The following LMO7 variants were observed in gnomAD, a reference collection of about 807,000 sequenced individuals.
LMO7 encodes LIM domain 7, also known as LIM domain only protein 7.
Under a neutral mutation model 206.5 loss-of-function variants are expected in LMO7, and 120 were observed. The observed-to-expected ratio is 0.58, with a 90% CI of 0.50 to 0.68. The LOEUF is 0.68. Ranked by LOEUF, LMO7 falls within the 30% of genes least tolerant of loss-of-function variation. The pLI is 0.00. For missense variants in LMO7, 1,959 were observed against 1,957.9 expected (o/e 1.00, Z -0.01); for synonymous variants, 706 against 681.5 (o/e 1.04, Z -0.56).
chr13:75,723,280 T>C (rs2044177702), intron 2 of LMO7, among the ~76,000 whole-genome samples: 2 of 152,194 alleles, frequency 1.3e-5, no homozygotes, highest in South Asian at 2.1e-4. Flanking sequence ...TAGTTACTAA[T>C]AGAAGTTTGA....
At chr13:75,729,144 T>C (rs2044828022) in intron 3 of LMO7, among the ~76,000 whole-genome samples, 2 of 147,690 alleles carry the variant, frequency 1.4e-5, no homozygotes. Context: ...TTTAAAGTAG[T>C]TTTTTCCAAT....
At position 75,835,300 on chromosome 13, in the gene LMO7, A is replaced by G. The variant is rs2273997; in HGVS notation, c.3294A>G (p.Leu1098=). 538,090 of 1,606,032 alleles carry G rather than the reference A, an allele frequency of 0.34. 95,717 individuals carry two copies. The highest frequency in any genetic ancestry group is 0.39 in the South Asian group (35,436 of 90,000). Residue 1098 remains leucine, a synonymous_variant, in exon 18 of 31, where the codon CTA becomes CTG. Coordinates refer to ENST00000377534, the MANE Select transcript of LMO7 (RefSeq NM_001306080.2). ...GIYNSEKSSN[L]SVTTDFSESL... ...ACAACTCAGAAAAATCTTCAAATCT[A>G]TCTGTAACAACTGATTTCTCCGAAA...
At chr13:75,823,319 G>C (rs1428248587) in intron 14 of LMO7, among the ~76,000 whole-genome samples, 2 of 152,116 alleles carry the variant, frequency 1.3e-5, no homozygotes, top group Admixed American at 1.3e-4. Flanking sequence ...ATGTTTGCTT[G>C]GAGTAAACAA....
At chr13:75,731,694 C>T (rs2045242935) in intron 3 of LMO7, among the ~76,000 whole-genome samples, 1 of 151,162 alleles carries the variant, frequency 6.6e-6, no homozygotes, top group Non-Finnish European at 1.5e-5. Flanking sequence ...GGTTATTTTG[C>T]TCGTTAGTTG....
rs79694056 is a variant in LMO7 at position 75,703,849 on chromosome 13, G to A, written c.70-9333G>A. Among the ~76,000 whole-genome samples the A allele has an allele frequency of 9.4e-3, 1,432 of 152,230 alleles. 22 individuals carry two copies. The highest frequency in any genetic ancestry group is 0.056 in the East Asian group (292 of 5,188). On this transcript the variant is annotated intron_variant, in intron 1 of 30. Coordinates refer to ENST00000377534, the MANE Select transcript of LMO7 (RefSeq NM_001306080.2). ...TCATTCTATTCAGGGACAGGAAAGA[G>A]GTAGGAGATATTTATTCCATTTAAA...
chr13:75,634,598 C>G (rs999309794), upstream of LMO7, among the ~76,000 whole-genome samples: 2 of 152,120 alleles, frequency 1.3e-5, no homozygotes, highest in South Asian at 2.1e-4. Flanking sequence ...AAAAAATTAG[C>G]CAGGCGTGGT....
chr13:75,633,997 A>AT (rs3036384), upstream of LMO7, among the ~76,000 whole-genome samples: 53,187 of 141,036 alleles, frequency 0.38, 10,015 homozygotes, highest in East Asian at 0.49. Flanking sequence ...CGTCCAGCTA[A>AT]TTTTTTTTTT....
At chr13:75,670,468 A>G (rs141097019) in intron 1 of LMO7, among the ~76,000 whole-genome samples, 134 of 152,308 alleles carry the variant, frequency 8.8e-4, no homozygotes, top group African/African-American at 3.0e-3. Context: ...CACATAGGCT[A>G]TATAGTGTAG....
At chr13:75,852,412 T>A (rs977049711) in intron 27 of LMO7, among the ~76,000 whole-genome samples, 3 of 152,112 alleles carry the variant, frequency 2.0e-5, no homozygotes, top group African/African-American at 7.2e-5. Context: ...GGTGATGAAA[T>A]AATCTGTACA....
chr13:75,816,909 GT>G (rs1441278359), intron 11 of LMO7: 4 of 282,996 alleles, frequency 1.4e-5, no homozygotes, highest in Non-Finnish European at 2.6e-5. Flanking sequence ...TTGTTTTTTT[GT>G]TTGTTTGTTT....
In LMO7 at chr13:75,804,436, C is replaced by T; in HGVS notation, c.809C>T (p.Ser270Phe). The change falls in exon 8 of 31, where the codon TCC (serine) becomes TTC (phenylalanine). Residue 270 changes from serine to phenylalanine, a missense_variant. Physicochemically the swap from Ser to Phe is radical, Grantham distance 155. Coordinates refer to ENST00000377534, the MANE Select transcript of LMO7 (RefSeq NM_001306080.2). ...RFLPNKSRQP[S>F]YVPAPLRKKK... ...TTACCCAACAAAAGTAGACAGCCATCCTATGTACCAGCACCTCTGAGAAAG... is the reference window on the plus strand; with the variant it reads ...TTACCCAACAAAAGTAGACAGCCATTCTATGTACCAGCACCTCTGAGAAAG... 6.2e-7 allele frequency: 1 copy of T among 1,614,168 alleles called. No homozygotes were observed. The highest frequency in any genetic ancestry group is 8.5e-7 in the Non-Finnish European group (1 of 1,180,028).
chr13:75,782,971 C>A (rs1329065301), intron 4 of LMO7, among the ~76,000 whole-genome samples: 1 of 152,076 alleles, frequency 6.6e-6, no homozygotes, highest in African/African-American at 2.4e-5. Context: ...AGGAAGTAGA[C>A]CTTGGTGGGG....
chr13:75,639,386 T>G (rs186670012), intron 1 of LMO7, among the ~76,000 whole-genome samples: 1 of 152,208 alleles, frequency 6.6e-6, no homozygotes, highest in Admixed American at 6.5e-5. Context: ...AAGCTACCCT[T>G]TAAGATCGCT....
intron 3 of LMO7, among the ~76,000 whole-genome samples, chr13:75,758,665 G>C (rs938672626): frequency 6.6e-6 from 1 of 152,124 alleles, no homozygotes; most frequent in Non-Finnish European, 1.5e-5. Flanking sequence ...GGTGGTTTTT[G>C]AGGAGAGTTT....
At chr13:75,826,508 G>T (rs1310231011) in intron 15 of LMO7, among the ~76,000 whole-genome samples, 2 of 152,166 alleles carry the variant, frequency 1.3e-5, no homozygotes, top group Non-Finnish European at 2.9e-5. Context: ...GCCTCTAGTG[G>T]CACTGTGTGG....
chr13:75,639,607 G>T (rs2138988493), intron 1 of LMO7, among the ~76,000 whole-genome samples: 1 of 152,332 alleles, frequency 6.6e-6, no homozygotes, highest in Admixed American at 6.5e-5. Context: ...GGCCTCTTCT[G>T]CAGTACCTTT....
At chr13:75,751,316 A>C (rs548159491) in intron 3 of LMO7, among the ~76,000 whole-genome samples, 2 of 151,846 alleles carry the variant, frequency 1.3e-5, no homozygotes, top group East Asian at 3.9e-4. Flanking sequence ...GCCTGCCACC[A>C]GGCCTGGCTA....
intron 3 of LMO7, among the ~76,000 whole-genome samples, chr13:75,733,535 T>A (rs1055569060): frequency 1.3e-5 from 2 of 152,174 alleles, no homozygotes; most frequent in South Asian, 4.1e-4. Context: ...CTGTCACCCC[T>A]TTCTTTGACT....
chr13:75,842,038 C>G, intron 24 of LMO7, 55 bp downstream of exon 24: 1 of 1,313,914 alleles, frequency 7.6e-7, no homozygotes, highest in Non-Finnish European at 1.1e-6. Flanking sequence ...TTCCCCACTT[C>G]AAAGGCACCC....
Sources: allele counts gnomAD v4.1 joint callset (sites outside exome capture counted in the v4.1 genomes callset), GRCh38; gene constraint gnomAD v4.1.1; transcripts MANE v1.5; gene names NCBI Gene and HGNC (gene_info 2026-07-23, HGNC 2026-07-21).